Variants in ARCN1 observed in about 807,000 individuals in gnomAD.
ARCN1 encodes the protein coatomer subunit delta.
A neutral mutation model predicts 60.4 loss-of-function variants in ARCN1; 5 were observed. The ratio of observed to expected loss-of-function variants is 0.08; its 90% CI spans 0.04 to 0.17. ARCN1 has a LOEUF of 0.17. ARCN1 is among the 10% of genes least tolerant of loss of function. The probability of loss-of-function intolerance (pLI) is 1.00; values close to 1 mark genes in which losing one functional copy is unlikely to be tolerated. For synonymous variants in ARCN1, 224 were observed against 220.0 expected, an observed-to-expected ratio of 1.02 and a Z score of -0.16; for missense variants, 464 against 626.5, an observed-to-expected ratio of 0.74 and a Z score of 2.77.
chr11:118,590,816 AAATT>A (rs1210106515), intron 6 of ARCN1, among the ~76,000 whole-genome samples: 7 of 152,216 alleles, frequency 4.6e-5, no homozygotes, highest in Admixed American at 2.6e-4. Context: ...TGAAAACAGT[AAATT>A]AATCACTTAG....
At chr11:118,573,393 C>G (rs1555072840) in intron 1 of ARCN1, among the ~76,000 whole-genome samples, 1 of 152,130 alleles carries the variant, frequency 6.6e-6, no homozygotes, top group African/African-American at 2.4e-5. Flanking sequence ...TCTTTGTATA[C>G]TCATCTGTTA....
chr11:118,587,700 G>A (rs547738050), intron 5 of ARCN1, among the ~76,000 whole-genome samples: 1 of 152,172 alleles, frequency 6.6e-6, no homozygotes. Context: ...ATTCAATTCT[G>A]ATGCTATCTA....
chr11:118,577,710 G>A (rs1235429117), intron 1 of ARCN1, among the ~76,000 whole-genome samples: 9 of 152,170 alleles, frequency 5.9e-5, no homozygotes, highest in African/African-American at 1.9e-4. Flanking sequence ...TAAGCTTCTT[G>A]TAGGCAGAAT....
rs1476552795 is a variant in ARCN1 at position 118,602,034 on chromosome 11, G to T, written c.*1320G>T. 6.0e-6 allele frequency: 2 copies of T among 334,542 alleles called. No homozygotes were observed. Among genetic ancestry groups the T allele is most frequent in the Non-Finnish European group, 1.1e-5 (2 of 181,444 alleles). 20.7% of individuals were successfully genotyped at this position (334,542 alleles called of 1,614,324 possible). A position where few individuals can be genotyped will look rare whatever the true frequency, so the allele number is the denominator to read the frequency against. ...TCCCCTCCTTTCTAACAGAAATGGG[G>T]TTATGATTTTGAAGGCTGTGGGTTC... On this transcript the variant is annotated 3_prime_UTR_variant, in exon 10 of 10. Transcript: ENST00000264028.
At position 118,581,332 on chromosome 11, in the gene ARCN1, G is replaced by C. The variant is rs1390990553; in HGVS notation, c.90G>C (p.Glu30Asp). Residue 30 changes from glutamate to aspartate, a missense_variant, in exon 2 of 10, where the codon GAG becomes GAC. By Grantham distance (45) the Glu-to-Asp change is conservative. Coordinates refer to ENST00000264028, the MANE Select transcript of ARCN1 (RefSeq NM_001655.5). Reference sequence around the variant, plus strand: ...TGGAAATGACCCGAACTCGGATTGAGGGCTTATTAGCAGCTTTTCCAAAGC... The same window carrying C: ...TGGAAATGACCCGAACTCGGATTGACGGCTTATTAGCAGCTTTTCCAAAGC... ...QFVEMTRTRI[E>D]GLLAAFPKLM... 1.2e-6 allele frequency: 2 copies of C among 1,614,194 alleles called. No homozygotes were observed. The highest frequency in any genetic ancestry group is 3.3e-5 in the Admixed American group (2 of 60,024).
At chr11:118,577,588 T>C (rs879950643) in intron 1 of ARCN1, among the ~76,000 whole-genome samples, 1 of 152,186 alleles carries the variant, frequency 6.6e-6, no homozygotes, top group Non-Finnish European at 1.5e-5. Context: ...CTGTACCAGC[T>C]GGAAGTAATC....
rs782148798 is a variant in ARCN1, at chr11:118,597,873, G to A, written c.1408G>A (p.Val470Ile). 3.7e-6 allele frequency: 6 copies of A among 1,614,002 alleles called. No homozygotes were observed. In the South Asian group the frequency reaches 4.4e-5, roughly 12 times the overall value. Residue 470 changes from valine to isoleucine, a missense_variant, in exon 9 of 10, where the codon GTT (valine) becomes ATT (isoleucine). Physicochemically the swap from Val to Ile is conservative, Grantham distance 29 (BLOSUM62 3). Coordinates refer to ENST00000264028, the MANE Select transcript of ARCN1 (RefSeq NM_001655.5). ...GCCCAATGACTTCTTCCCTGTTCAA[G>A]TTTCCTTTGTCTCCAAGAAAAATTA... The part of the protein sequence containing the change: ...GQPNDFFPVQ[V>I]SFVSKKNYCN...
chr11:118,572,606 TGTC>T, intron 1 of ARCN1, 56 bp downstream of exon 1: 2 of 1,585,202 alleles, frequency 1.3e-6, no homozygotes, highest in Non-Finnish European at 1.7e-6. Flanking sequence ...CGTCTCTCCT[TGTC>T]GGCGGGCCTG....
At chr11:118,577,117 G>T (rs1938534328) in intron 1 of ARCN1, among the ~76,000 whole-genome samples, 1 of 152,164 alleles carries the variant, frequency 6.6e-6, no homozygotes. Context: ...AGCCCAGAAG[G>T]TTGAGGCTGC....
At chr11:118,597,662 T>C (rs781820354) in intron 8 of ARCN1, 45 bp from the exon 9 acceptor site, 1 of 1,601,576 alleles carries the variant, frequency 6.2e-7, no homozygotes, top group Non-Finnish European at 8.5e-7. Context: ...GTGGTGGAGT[T>C]CTAGCTCTGA....
intron 2 of ARCN1, among the ~76,000 whole-genome samples, chr11:118,582,128 A>G (rs1331534573): frequency 6.6e-6 from 1 of 151,826 alleles, no homozygotes; most frequent in Non-Finnish European, 1.5e-5. Context: ...TGGGCAACAC[A>G]GCAAGACCCT....
At chr11:118,591,334 AT>A (rs1723082502) in intron 6 of ARCN1, among the ~76,000 whole-genome samples, 1 of 152,148 alleles carries the variant, frequency 6.6e-6, no homozygotes. Context: ...TGCTTATATT[AT>A]TTGACATTTT....
chr11:118,572,708 G>A lies in ARCN1; in HGVS notation c.3+158G>A, dbSNP rs1317087035. On this transcript the variant is annotated intron_variant, in intron 1 of 9. Coordinates refer to ENST00000264028, the MANE Select transcript of ARCN1 (RefSeq NM_001655.5). ...GGGAGCAGTGTGGCCTCCTGTGCCC[G>A]GTCTCCTGGAGATCCGATGGAGCTG... 1.7e-5 allele frequency: 14 copies of A among 818,704 alleles called. No individual in the cohort carries two copies. The African/African-American group carries it at 2.1e-4, about 12-fold the overall frequency. The allele number at this position is 818,704 out of a possible 1,614,324, so 50.7% of individuals were successfully genotyped here.
intron 5 of ARCN1, among the ~76,000 whole-genome samples, chr11:118,587,703 G>A (rs1196198664): frequency 6.6e-6 from 1 of 152,150 alleles, no homozygotes; most frequent in Non-Finnish European, 1.5e-5. Context: ...CAATTCTGAT[G>A]CTATCTACCT....
At chr11:118,592,210 A>G (rs1230513531) in intron 6 of ARCN1, among the ~76,000 whole-genome samples, 1 of 152,224 alleles carries the variant, frequency 6.6e-6, no homozygotes, top group East Asian at 1.9e-4. Flanking sequence ...TTTTAAAAAG[A>G]TAAGACTATC....
intron 1 of ARCN1, chr11:118,573,549 C>T (rs1196479901): frequency 1.8e-6 from 1 of 551,328 alleles, no homozygotes; most frequent in African/African-American, 2.0e-5. Flanking sequence ...ATTTATTTTT[C>T]AGTGCACCTT....
At chr11:118,586,609 C>G (rs1555075521) in intron 5 of ARCN1, among the ~76,000 whole-genome samples, 1 of 151,920 alleles carries the variant, frequency 6.6e-6, no homozygotes, top group Admixed American at 6.6e-5. Context: ...ATTGCCTGAG[C>G]TCAGGAGTTC....
intron 1 of ARCN1, among the ~76,000 whole-genome samples, chr11:118,575,883 T>C (rs1464680486): frequency 6.6e-6 from 1 of 152,172 alleles, no homozygotes. Flanking sequence ...TCTGGCAGCC[T>C]AATGTTACTA....
intron 1 of ARCN1, among the ~76,000 whole-genome samples, chr11:118,576,043 C>G (rs901002066): frequency 5.3e-5 from 8 of 151,210 alleles, no homozygotes; most frequent in Non-Finnish European, 8.8e-5. Flanking sequence ...ACACAGAGCA[C>G]TTTGGATTTC....
Sources: allele counts gnomAD v4.1 joint callset (sites outside exome capture counted in the v4.1 genomes callset), GRCh38; gene constraint gnomAD v4.1.1; transcripts MANE v1.5; gene names NCBI Gene and HGNC (gene_info 2026-07-23, HGNC 2026-07-21).